The following TOM1L1 variants were observed in gnomAD, a reference collection of about 807,000 sequenced individuals.
TOM1L1 encodes target of myb1 like 1 membrane trafficking protein, also known as TOM1-like protein 1.
TOM1L1 carries 64 observed loss-of-function variants against 63.4 expected under a neutral mutation model. That is an observed-to-expected ratio of 1.01 (90% CI 0.83 to 1.24). TOM1L1 has a LOEUF of 1.24. TOM1L1 is among the 50% of genes most tolerant of loss of function. The probability of loss-of-function intolerance (pLI) is 0.00; values close to 1 mark genes in which losing one functional copy is unlikely to be tolerated. For missense variants in TOM1L1, 536 were observed against 567.0 expected (o/e 0.95, Z 0.55); for synonymous variants, 166 against 194.4 (o/e 0.85, Z 1.22).
chr17:54,936,999 T>G, intron 9 of TOM1L1, 110 bp from the exon 10 acceptor site: 1 of 931,392 alleles, frequency 1.1e-6, no homozygotes, highest in Non-Finnish European at 1.7e-6. Flanking sequence ...TGGAGAATTC[T>G]TCCTTAAAAT....
chr17:54,937,828 T>TTTGC (rs1283195463), intron 10 of TOM1L1: 14 of 135,916 alleles, frequency 1.0e-4, no homozygotes, highest in African/African-American at 2.7e-4. Context: ...GTAGCAAAGC[T>TTTGC]TACAATGCAT....
intron 11 of TOM1L1, among the ~76,000 whole-genome samples, chr17:54,940,568 T>C (rs138763431): frequency 1.1e-4 from 17 of 152,320 alleles, no homozygotes; most frequent in Middle Eastern, 3.4e-3. Context: ...TGGAAACAAC[T>C]CAAAATATCC....
intron 3 of TOM1L1, among the ~76,000 whole-genome samples, 198 bp from the exon 4 acceptor site, chr17:54,912,468 T>TC (rs1359285604): frequency 1.3e-5 from 2 of 152,192 alleles, no homozygotes; most frequent in Non-Finnish European, 2.9e-5. Context: ...AATAAGTCTG[T>TC]CCTCCAGACT....
At chr17:54,924,649 A>G (rs1041499062) in intron 7 of TOM1L1, among the ~76,000 whole-genome samples, 3 of 152,306 alleles carry the variant, frequency 2.0e-5, no homozygotes, top group African/African-American at 7.2e-5. Context: ...CATGGTCGTC[A>G]GCTGTCTTTG....
intron 2 of TOM1L1, 58 bp downstream of exon 2, chr17:54,903,850 C>T: frequency 6.9e-7 from 1 of 1,450,500 alleles, no homozygotes; most frequent in Non-Finnish European, 9.6e-7. Flanking sequence ...AGAACTACAG[C>T]ACGTTTTCTC....
chr17:54,904,196 T>G (rs2048373252), intron 2 of TOM1L1, among the ~76,000 whole-genome samples: 1 of 151,786 alleles, frequency 6.6e-6, no homozygotes, highest in South Asian at 2.1e-4. Context: ...TGAAACCCCA[T>G]CTCTACTAAA....
At chr17:54,959,877 A>T (rs1186017464) in intron 14 of TOM1L1, among the ~76,000 whole-genome samples, 1 of 152,100 alleles carries the variant, frequency 6.6e-6, no homozygotes, top group Non-Finnish European at 1.5e-5. Flanking sequence ...TCAGCCTCCC[A>T]GAGTGCTGGG....
chr17:54,936,728 T>C lies in TOM1L1; in HGVS notation c.915+19T>C. Reference sequence around the variant, plus strand: ...CACCAATGTAAGTGATGAGAAATGTTATAAAATAAACAATTGAACATTTTG... The same window carrying C: ...CACCAATGTAAGTGATGAGAAATGTCATAAAATAAACAATTGAACATTTTG... On this transcript the variant is annotated intron_variant, in intron 9 of 15. Coordinates refer to ENST00000575882, the MANE Select transcript of TOM1L1 (RefSeq NM_005486.3). 6.3e-7 allele frequency: 1 copy of C among 1,592,564 alleles called. No homozygotes were observed. The highest frequency in any genetic ancestry group is 8.5e-7 in the Non-Finnish European group (1 of 1,172,620).
At chr17:54,927,316 G>A (rs192030268) in intron 7 of TOM1L1, among the ~76,000 whole-genome samples, 6 of 152,262 alleles carry the variant, frequency 3.9e-5, no homozygotes, top group Admixed American at 3.3e-4. Context: ...ACATTTCTTC[G>A]TGTTTTGGCT....
At chr17:54,913,019 T>G (rs2048521353) in intron 4 of TOM1L1, among the ~76,000 whole-genome samples, 2 of 152,230 alleles carry the variant, frequency 1.3e-5, no homozygotes, top group Non-Finnish European at 2.9e-5. Flanking sequence ...TTTCCCTGCT[T>G]TCCTCTCAGT....
chr17:54,902,359 G>A (rs905235564), intron 1 of TOM1L1, among the ~76,000 whole-genome samples: 11 of 152,000 alleles, frequency 7.2e-5, no homozygotes, highest in African/African-American at 1.2e-4. Flanking sequence ...AGTAGCTCTC[G>A]GCACACTGCA....
chr17:54,913,911 G>GC, intron 5 of TOM1L1, 38 bp downstream of exon 5: 1 of 1,578,646 alleles, frequency 6.3e-7, no homozygotes. Flanking sequence ...GACTATAGTA[G>GC]TGTATCACTT....
rs188419437 is a variant in TOM1L1, at chr17:54,924,713, C to T, written c.721-5360C>T. Among the ~76,000 whole-genome samples, 6 of 151,214 alleles carry T rather than the reference C, an allele frequency of 4.0e-5. No homozygotes were observed. In the East Asian group the frequency reaches 1.2e-3, roughly 29 times the overall value. ...TGTCTTGTTCATTACCAGGTTCTGG[C>T]TCCCAGATTAGTGCCTAACATGATG... On this transcript the variant is annotated intron_variant, in intron 7 of 15. Transcript: ENST00000575882.
At chr17:54,917,247 CTT>C (rs1429223295) in intron 7 of TOM1L1, 1 of 152,076 alleles carries the variant, frequency 6.6e-6, no homozygotes, top group African/African-American at 2.4e-5. Flanking sequence ...TTCTACCATT[CTT>C]TCTATTCTCT....
In TOM1L1 at chr17:54,943,001, C is replaced by T. The variant is rs558570197; in HGVS notation, c.1130+3981C>T. 1.1e-4 allele frequency among the ~76,000 whole-genome samples: 16 copies of T among 152,242 alleles called. No individual in the cohort carries two copies. The South Asian group carries it at 1.7e-3, about 16-fold the overall frequency. ...TTATGTGTTTTGAAGCTCATGCATT[C>T]GGCTATGTTGGATCTTATTGGTTGA... On this transcript the variant is annotated intron_variant, in intron 11 of 15. Transcript: ENST00000575882.
intron 8 of TOM1L1, among the ~76,000 whole-genome samples, chr17:54,933,272 T>C (rs562583421): frequency 1.3e-5 from 2 of 152,336 alleles, no homozygotes; most frequent in South Asian, 4.1e-4. Flanking sequence ...GATTATATCA[T>C]ATCACTCTTA....
chr17:54,912,460 T>G (rs190523313), intron 3 of TOM1L1, among the ~76,000 whole-genome samples: 5 of 152,296 alleles, frequency 3.3e-5, no homozygotes, highest in African/African-American at 1.2e-4. Flanking sequence ...GACTCCTCAA[T>G]AAGTCTGTCC....
At chr17:54,915,896 T>C in intron 7 of TOM1L1, 34 bp downstream of exon 7, 2 of 1,529,476 alleles carry the variant, frequency 1.3e-6, no homozygotes, top group Non-Finnish European at 1.8e-6. Context: ...TCAGTCAAAG[T>C]GTCTCTTAAA....
In TOM1L1 at chr17:54,940,697, G is replaced by A. The variant is rs2143914405; in HGVS notation, c.1130+1677G>A. Reference sequence around the variant, plus strand: ...GTAGGAAAAAAAGGTGCTAAGTAGTGTGTGTGTAATATATTGCATTTGTGT... The same window carrying A: ...GTAGGAAAAAAAGGTGCTAAGTAGTATGTGTGTAATATATTGCATTTGTGT... On this transcript the variant is annotated intron_variant, in intron 11 of 15. Coordinates refer to ENST00000575882, the MANE Select transcript of TOM1L1 (RefSeq NM_005486.3). Among the ~76,000 whole-genome samples the A allele has an allele frequency of 1.3e-5, 2 of 152,252 alleles. 1 individual carries two copies. Among genetic ancestry groups the A allele is most frequent in the South Asian group, 4.1e-4 (2 of 4,826 alleles).
Sources: gnomAD v4.1 joint callset for allele counts (sites outside exome capture counted in the v4.1 genomes callset) on GRCh38, gnomAD v4.1.1 for gene constraint, MANE v1.5 for transcripts, NCBI Gene and HGNC (gene_info 2026-07-23, HGNC 2026-07-21) for gene names.